L3HYPDH: variants seen among roughly 807,000 people sequenced by gnomAD.
L3HYPDH encodes the protein trans-L-3-hydroxyproline dehydratase, also known as trans-3-hydroxy-L-proline dehydratase.
Under a neutral mutation model 26.5 loss-of-function variants are expected in L3HYPDH, and 32 were observed. The observed-to-expected ratio is 1.21, with a 90% confidence interval of 0.91 to 1.62. L3HYPDH has a LOEUF of 1.62. Ranked by LOEUF, L3HYPDH falls within the 40% of genes most tolerant of loss-of-function variation. L3HYPDH has a pLI of 0.00. For missense variants in L3HYPDH, 554 were observed against 476.4 expected, an observed-to-expected ratio of 1.16 and a Z score of -1.52; for synonymous variants, 215 against 196.6, an observed-to-expected ratio of 1.09 and a Z score of -0.78.
the L3HYPDH span, among the ~76,000 whole-genome samples, chr14:59,496,030 A>G: frequency 6.6e-6 from 1 of 152,116 alleles, no homozygotes. Flanking sequence ...CAGCCTCCCA[A>G]GTAGCTGGGA....
intron 1 of L3HYPDH, chr14:59,483,512 T>C: frequency 7.5e-7 from 1 of 1,325,114 alleles, no homozygotes; most frequent in Non-Finnish European, 9.6e-7. Context: ...ACCGGTGAAA[T>C]CTCTAGGAAT....
chr14:59,480,297 G>A (rs968477904), intron 1 of L3HYPDH, among the ~76,000 whole-genome samples: 1 of 152,320 alleles, frequency 6.6e-6, no homozygotes, highest in South Asian at 2.1e-4. Flanking sequence ...CAGAGAGGAC[G>A]TGTGTTAACT....
At chr14:59,483,698 G>C (rs747032382) in intron 1 of L3HYPDH, 111 bp downstream of exon 1, 32 of 1,489,598 alleles carry the variant, frequency 2.1e-5, no homozygotes, top group Non-Finnish European at 2.7e-5. Context: ...TAATTGCAAG[G>C]TTTCGCGGAG....
At chr14:59,481,926 T>C (rs994205944) in intron 1 of L3HYPDH, among the ~76,000 whole-genome samples, 1 of 152,156 alleles carries the variant, frequency 6.6e-6, no homozygotes, top group Non-Finnish European at 1.5e-5. Context: ...TGGCACAGAT[T>C]AGGGACTCGA....
At chr14:59,502,591 A>G in the L3HYPDH span, among the ~76,000 whole-genome samples, 1 of 152,140 alleles carries the variant, frequency 6.6e-6, no homozygotes, top group African/African-American at 2.4e-5. Context: ...AGTTGTTTTC[A>G]TCTGTAGATG....
chr14:59,482,213 T>C (rs1890074305), intron 1 of L3HYPDH, among the ~76,000 whole-genome samples: 1 of 152,200 alleles, frequency 6.6e-6, no homozygotes, highest in Non-Finnish European at 1.5e-5. Context: ...ATGGACTCTC[T>C]AGCACAAGGT....
chr14:59,496,332 C>T, the L3HYPDH span, among the ~76,000 whole-genome samples: 1 of 151,438 alleles, frequency 6.6e-6, no homozygotes. Context: ...ATTCGTAGAG[C>T]TTAACTCTAA....
chr14:59,469,969 T>G (rs1412062073), downstream of L3HYPDH, among the ~76,000 whole-genome samples: 2 of 152,140 alleles, frequency 1.3e-5, no homozygotes, highest in African/African-American at 4.8e-5. Flanking sequence ...GTAATAAAAG[T>G]TAAGAAGCAG....
downstream of L3HYPDH, among the ~76,000 whole-genome samples, chr14:59,469,970 TAAG>T (rs1889272804): frequency 6.6e-6 from 1 of 152,090 alleles, no homozygotes; most frequent in Admixed American, 6.6e-5. Context: ...TAATAAAAGT[TAAG>T]AAGCAGATAA....
the L3HYPDH span, among the ~76,000 whole-genome samples, chr14:59,497,824 T>C: frequency 6.6e-6 from 1 of 152,196 alleles, no homozygotes; most frequent in Non-Finnish European, 1.5e-5. Context: ...GGTATCATGA[T>C]GCTGTGTGGG....
the L3HYPDH span, among the ~76,000 whole-genome samples, chr14:59,494,263 A>T: frequency 5.3e-5 from 8 of 150,984 alleles, no homozygotes; most frequent in East Asian, 7.7e-4. Flanking sequence ...TTCACAAAGA[A>T]AGTGAAAATT....
the L3HYPDH span, chr14:59,504,174 A>C: frequency 1.4e-6 from 1 of 693,400 alleles, no homozygotes; most frequent in Non-Finnish European, 2.5e-6. Flanking sequence ...TATGGGAACA[A>C]GATTGTCAGT....
At chr14:59,468,503 T>C (rs377021212), downstream of L3HYPDH, among the ~76,000 whole-genome samples, 2 of 152,194 alleles carry the variant, frequency 1.3e-5, no homozygotes, top group African/African-American at 4.8e-5. Flanking sequence ...GGTTAGTCCA[T>C]GGGGGAAGCC....
the L3HYPDH span, among the ~76,000 whole-genome samples, chr14:59,501,489 A>T: frequency 4.6e-5 from 7 of 152,220 alleles, no homozygotes; most frequent in Admixed American, 3.3e-4. Context: ...AGTCAGGCCC[A>T]ACTATCCAGC....
chr14:59,498,429 T>C, the L3HYPDH span, among the ~76,000 whole-genome samples: 1 of 152,240 alleles, frequency 6.6e-6, no homozygotes. Flanking sequence ...TTTTTTTATG[T>C]ATCCCTGGTT....
the L3HYPDH span, among the ~76,000 whole-genome samples, chr14:59,490,712 TAGC>T: frequency 5.9e-5 from 9 of 152,310 alleles, 1 homozygote; most frequent in South Asian, 1.0e-3. Flanking sequence ...ACTTTAAAAA[TAGC>T]AGCTTTCATC....
chr14:59,490,204 G>C, the L3HYPDH span, among the ~76,000 whole-genome samples: 2 of 152,148 alleles, frequency 1.3e-5, no homozygotes. Flanking sequence ...TTATAGATGT[G>C]AGCCACCATG....
chr14:59,492,797 A>ATTT, the L3HYPDH span, among the ~76,000 whole-genome samples: 3 of 132,002 alleles, frequency 2.3e-5, no homozygotes, highest in Admixed American at 7.8e-5. Context: ...GAGAGCTGCT[A>ATTT]TTTTTTTTTT....
Position 59,484,036 on chromosome 14 carries a change from A to T in L3HYPDH, c.281T>A (p.Phe94Tyr), listed in dbSNP as rs768085525. The T allele has an allele frequency of 6.2e-7, 1 of 1,606,002 alleles. No homozygotes were observed. Among genetic ancestry groups the T allele is most frequent in the Non-Finnish European group, 8.5e-7 (1 of 1,179,390 alleles). The change falls in exon 1 of 5, where the codon TTC becomes TAC. Residue 94 changes from phenylalanine to tyrosine, a missense_variant. Coordinates refer to ENST00000247194, the MANE Select transcript of L3HYPDH (RefSeq NM_144581.2). ...ELPDAHLGVLFLHNEGYSSMC... is the reference protein window; with the variant it reads ...ELPDAHLGVLYLHNEGYSSMC... ...GGAGCTGTAGCCCTCGTTGTGCAGGAACAGGACGCCCAGATGCGCGTCCGG... is the reference window on the plus strand; with the variant it reads ...GGAGCTGTAGCCCTCGTTGTGCAGGTACAGGACGCCCAGATGCGCGTCCGG...
Sources: gnomAD v4.1 joint callset for allele counts (sites outside exome capture counted in the v4.1 genomes callset) on GRCh38, gnomAD v4.1.1 for gene constraint, MANE v1.5 for transcripts, NCBI Gene and HGNC (gene_info 2026-07-23, HGNC 2026-07-21) for gene names.